The following KLHL9 variants were observed in gnomAD, a reference collection of about 807,000 sequenced individuals.
The protein encoded by KLHL9 is kelch-like protein 9.
A neutral mutation model predicts 42.3 loss-of-function variants in KLHL9; 27 were observed. The observed-to-expected ratio is 0.64, with a 90% confidence interval of 0.47 to 0.88. The LOEUF is 0.88. KLHL9 is among the 40% of genes least tolerant of loss of function. The probability of loss-of-function intolerance (pLI) is 0.00; values close to 1 mark genes in which losing one functional copy is unlikely to be tolerated. For missense variants in KLHL9, 629 were observed against 750.3 expected (o/e 0.84, Z 1.89); for synonymous variants, 274 against 254.4 (o/e 1.08, Z -0.73).
rs188685864 is a variant in KLHL9 at position 21,335,351 on chromosome 9, G to A, written c.-492C>T. ...GCCTGGGCTTGGGCCTAGAATACCGGCCTAGCCCCAACACCGAGCCGCTCC... is the reference window on the plus strand; with the variant it reads ...GCCTGGGCTTGGGCCTAGAATACCGACCTAGCCCCAACACCGAGCCGCTCC... On this transcript the variant is annotated 5_prime_UTR_variant, in exon 1 of 1. Transcript: ENST00000359039. The A allele has an allele frequency of 5.0e-3, 2,093 of 419,548 alleles. 41 individuals carry two copies. Among genetic ancestry groups the A allele is most frequent in the African/African-American group, 0.039 (1,881 of 48,804 alleles). 26.0% of individuals were successfully genotyped at this position (419,548 alleles called of 1,614,324 possible). A position where few individuals can be genotyped will look rare whatever the true frequency, so the allele number is the denominator to read the frequency against.
In KLHL9 at chr9:21,335,392, G is replaced by A; in HGVS notation, c.-533C>T. 3 of 394,586 alleles carry A rather than the reference G, an allele frequency of 7.6e-6. No homozygotes were observed. The highest frequency in any genetic ancestry group is 1.4e-5 in the Non-Finnish European group (3 of 214,848). 24.4% of individuals were successfully genotyped at this position (394,586 alleles called of 1,614,324 possible). On this transcript the variant is annotated 5_prime_UTR_variant, in exon 1 of 1. Coordinates refer to ENST00000359039, the MANE Select transcript of KLHL9 (RefSeq NM_018847.4). ...GAGCCGCTCCTTCCGGAAAAGCCTA[G>A]TCCCAGGATACCACGGGGTGGGAGC... is the stretch of plus-strand genomic sequence containing the variant.
At position 21,334,940 on chromosome 9, in the gene KLHL9, C is replaced by G. The variant is rs776340349; in HGVS notation, c.-81G>C. On this transcript the variant is annotated 5_prime_UTR_variant, in exon 1 of 1. Transcript: ENST00000359039. This position sits in a 1 kb window ranked among gnomAD's most constrained non-coding sequence, Gnocchi z 5.1. ...AATGTTTTACAGGTAACGAGGTGTCCAGAAAGAACAGAAAGCTCGTTTCCT... is the reference window on the plus strand; with the variant it reads ...AATGTTTTACAGGTAACGAGGTGTCGAGAAAGAACAGAAAGCTCGTTTCCT... The G allele has an allele frequency of 7.7e-6, 12 of 1,564,122 alleles. No homozygotes were observed. Among genetic ancestry groups the G allele is most frequent in the Non-Finnish European group, 1.0e-5 (12 of 1,157,790 alleles).
Position 21,334,671 on chromosome 9 carries a change from G to C in KLHL9, c.189C>G (p.Phe63Leu), listed in dbSNP as rs1370602778. The C allele has an allele frequency of 1.2e-6, 2 of 1,614,006 alleles. No homozygotes were observed. Among genetic ancestry groups the C allele is most frequent in the Non-Finnish European group, 1.7e-6 (2 of 1,180,034 alleles). Residue 63 changes from phenylalanine (F) to leucine (L), a missense_variant, in exon 1 of 1, where the codon TTC (phenylalanine) becomes TTG (leucine). Coordinates refer to ENST00000359039, the MANE Select transcript of KLHL9 (RefSeq NM_018847.4). The surrounding 1 kb of genome is among the most constrained non-coding windows in gnomAD (Gnocchi z 5.1). The part of the protein sequence containing the change: ...TLVPGDGDEI[F>L]PVHRAMMASA... Reference sequence around the variant, plus strand: ...ACGCCATCATAGCTCTGTGAACAGGGAAGATTTCATCTCCATCACCTGGTA... The same window carrying C: ...ACGCCATCATAGCTCTGTGAACAGGCAAGATTTCATCTCCATCACCTGGTA...
Position 21,333,307 on chromosome 9 carries a change from T to A in KLHL9, c.1553A>T (p.Tyr518Phe). The change falls in exon 1 of 1, where the codon TAT becomes TTT. Residue 518 changes from tyrosine to phenylalanine, a missense_variant. Physicochemically the swap from Tyr to Phe is conservative, Grantham distance 22. Transcript: ENST00000359039. The surrounding 1 kb of genome is among the most constrained non-coding windows in gnomAD (Gnocchi z 7.5). ...DYDDVLSCEYYSPTLDQWTPI... is the reference protein window; with the variant it reads ...DYDDVLSCEYFSPTLDQWTPI... ...GGTCCACTGGTCAAGGGTTGGTGAA[T>A]AGTATTCACAGCTTAGAACATCATC... 1 of 1,614,228 alleles carries A rather than the reference T, an allele frequency of 6.2e-7. No homozygotes were observed. The highest frequency in any genetic ancestry group is 2.2e-5 in the East Asian group (1 of 44,886).
Position 21,333,669 on chromosome 9 carries a change from G to A in KLHL9, c.1191C>T (p.Leu397=), listed in dbSNP as rs1820213047. The part of the protein sequence containing the change: ...EKRTFFHLSA[L]KGHLYAVGGR... ...CACCAACTGCATACAAATGTCCTTTGAGGGCACTCAAGTGAAAGAATGTGC... is the reference window on the plus strand; with the variant it reads ...CACCAACTGCATACAAATGTCCTTTAAGGGCACTCAAGTGAAAGAATGTGC... Residue 397 remains leucine, a synonymous_variant, in exon 1 of 1, where the codon CTC becomes CTT. Coordinates refer to ENST00000359039, the MANE Select transcript of KLHL9 (RefSeq NM_018847.4). The surrounding 1 kb of genome is among the most constrained non-coding windows in gnomAD (Gnocchi z 7.5). 1 of 1,614,056 alleles carries A rather than the reference G, an allele frequency of 6.2e-7. No individual in the cohort carries two copies. Among genetic ancestry groups the A allele is most frequent in the African/African-American group, 1.3e-5 (1 of 74,916 alleles).
At position 21,330,262 on chromosome 9, in the gene KLHL9, A is replaced by G. The variant is rs1820146583; in HGVS notation, c.*2744T>C. The G allele has an allele frequency of 6.6e-6, 1 of 152,232 alleles. No individual in the cohort carries two copies. Among genetic ancestry groups the G allele is most frequent in the Admixed American group, 6.5e-5 (1 of 15,294 alleles). 9.4% of individuals were successfully genotyped at this position (152,232 alleles called of 1,614,324 possible). A position where few individuals can be genotyped will look rare whatever the true frequency, so the allele number is the denominator to read the frequency against. ...TCAGACACGTAGTCTGAAGGTAATT[A>G]TAATAGTCTTAATAATGTTGTGCAT... On this transcript the variant is annotated 3_prime_UTR_variant, in exon 1 of 1. Coordinates refer to ENST00000359039, the MANE Select transcript of KLHL9 (RefSeq NM_018847.4).
chr9:21,334,355 C>T lies in KLHL9; in HGVS notation c.505G>A (p.Val169Met). Residue 169 changes from valine (V) to methionine (M), a missense_variant, in exon 1 of 1, where the codon GTG (valine) becomes ATG (methionine). By Grantham distance (21) the Val-to-Met change is conservative (BLOSUM62 1). Transcript: ENST00000359039. The surrounding 1 kb of genome is among the most constrained non-coding windows in gnomAD (Gnocchi z 5.1). ...RIANTYNLIE[V>M]DKYVNNFILK... ...ATGAAATTATTAACATATTTATCCA[C>T]TTCTATAAGATTGTAGGTGTTAGCA... The T allele has an allele frequency of 6.2e-7, 1 of 1,613,418 alleles. No individual in the cohort carries two copies. The highest frequency in any genetic ancestry group is 8.5e-7 in the Non-Finnish European group (1 of 1,179,548).
rs1463211285 is a variant in KLHL9 at position 21,332,115 on chromosome 9, C to T, written c.*891G>A. The T allele has an allele frequency of 6.6e-6, 1 of 152,488 alleles. No homozygotes were observed. Among genetic ancestry groups the T allele is most frequent in the Non-Finnish European group, 1.5e-5 (1 of 68,026 alleles). The allele number at this position is 152,488 out of a possible 1,614,324, so 9.4% of individuals were successfully genotyped here. The stretch of plus-strand genomic sequence containing the variant: ...AACTTTACCAATCTGTGTAAAAGTA[C>T]TCTACAGAAAATACACAAGCAGAAA... On this transcript the variant is annotated 3_prime_UTR_variant, in exon 1 of 1. Coordinates refer to ENST00000359039, the MANE Select transcript of KLHL9 (RefSeq NM_018847.4).
Position 21,334,981 on chromosome 9 carries a change from G to A in KLHL9, c.-122C>T. The stretch of plus-strand genomic sequence containing the variant: ...CTCGTTTCCTTATCAAGGGAAGGCA[G>A]TCACTGCGGCACCCCTCGGGCCACG... On this transcript the variant is annotated 5_prime_UTR_variant, in exon 1 of 1. Transcript: ENST00000359039. This position sits in a 1 kb window ranked among gnomAD's most constrained non-coding sequence, Gnocchi z 5.1. The A allele has an allele frequency of 6.9e-7, 1 of 1,441,062 alleles. No individual in the cohort carries two copies. Among genetic ancestry groups the A allele is most frequent in the East Asian group, 2.4e-5 (1 of 41,074 alleles). The allele number at this position is 1,441,062 out of a possible 1,614,324, so 89.3% of individuals were successfully genotyped here.
In KLHL9 at chr9:21,331,591, T is replaced by C. The variant is rs757045444; in HGVS notation, c.*1415A>G. ...GAAAGTACCTCTTCAGAATCACTCATTACAGAGAATTCCTGTAACTCCATT... is the reference window on the plus strand; with the variant it reads ...GAAAGTACCTCTTCAGAATCACTCACTACAGAGAATTCCTGTAACTCCATT... On this transcript the variant is annotated 3_prime_UTR_variant, in exon 1 of 1. Coordinates refer to ENST00000359039, the MANE Select transcript of KLHL9 (RefSeq NM_018847.4). The C allele has an allele frequency of 1.3e-5, 2 of 152,052 alleles. No individual in the cohort carries two copies. Among genetic ancestry groups the C allele is most frequent in the Non-Finnish European group, 2.9e-5 (2 of 68,014 alleles). 9.4% of individuals were successfully genotyped at this position (152,052 alleles called of 1,614,324 possible).
In KLHL9 at chr9:21,332,934, T is replaced by C; in HGVS notation, c.*72A>G. ...TATATCTAATAACTGTACCAATCAC[T>C]GTAAGAAGATACAACTGAAGGGGAA... On this transcript the variant is annotated 3_prime_UTR_variant, in exon 1 of 1. Transcript: ENST00000359039. The C allele has an allele frequency of 4.4e-6, 7 of 1,606,276 alleles. No homozygotes were observed. Among genetic ancestry groups the C allele is most frequent in the Non-Finnish European group, 6.0e-6 (7 of 1,175,412 alleles).
Position 21,333,143 on chromosome 9 carries a change from C to T in KLHL9, c.1717G>A (p.Glu573Lys). 1 of 1,614,180 alleles carries T rather than the reference C, an allele frequency of 6.2e-7. No homozygotes were observed. Among genetic ancestry groups the T allele is most frequent in the Non-Finnish European group, 8.5e-7 (1 of 1,180,010 alleles). ...IVQKYDPEKDEWHKVFDLPES... is the reference protein window; with the variant it reads ...IVQKYDPEKDKWHKVFDLPES... ...GGAAGATCAAAAACTTTATGCCACTCATCTTTTTCTGGGTCATATTTCTGG... is the reference window on the plus strand; with the variant it reads ...GGAAGATCAAAAACTTTATGCCACTTATCTTTTTCTGGGTCATATTTCTGG... Residue 573 changes from glutamate to lysine, a missense_variant, in exon 1 of 1, where the codon GAG becomes AAG. Coordinates refer to ENST00000359039, the MANE Select transcript of KLHL9 (RefSeq NM_018847.4). This position sits in a 1 kb window ranked among gnomAD's most constrained non-coding sequence, Gnocchi z 7.5.
Position 21,332,110 on chromosome 9 carries a change from A to G in KLHL9, c.*896T>C, listed in dbSNP as rs953675472. ...ACCTGAACTTTACCAATCTGTGTAA[A>G]AGTACTCTACAGAAAATACACAAGC... On this transcript the variant is annotated 3_prime_UTR_variant, in exon 1 of 1. Transcript: ENST00000359039. 1.3e-5 allele frequency: 2 copies of G among 152,562 alleles called. No individual in the cohort carries two copies. Among genetic ancestry groups the G allele is most frequent in the Admixed American group, 1.3e-4 (2 of 15,288 alleles). 9.5% of individuals were successfully genotyped at this position (152,562 alleles called of 1,614,324 possible).
At position 21,330,682 on chromosome 9, in the gene KLHL9, C is replaced by T. The variant is rs1236241460; in HGVS notation, c.*2324G>A. ...CAAAATAGAGGCAGGGCAGTATCAC[C>T]TTGATATGTCAGAATAAGCACTGAA... On this transcript the variant is annotated 3_prime_UTR_variant, in exon 1 of 1. Transcript: ENST00000359039. The T allele has an allele frequency of 6.6e-6, 1 of 152,064 alleles. No homozygotes were observed. The highest frequency in any genetic ancestry group is 2.4e-5 in the African/African-American group (1 of 41,382). 9.4% of individuals were successfully genotyped at this position (152,064 alleles called of 1,614,324 possible). A position where few individuals can be genotyped will look rare whatever the true frequency, so the allele number is the denominator to read the frequency against.
At position 21,333,151 on chromosome 9, in the gene KLHL9, T is replaced by C; in HGVS notation, c.1709A>G (p.Glu570Gly). The C allele has an allele frequency of 6.2e-7, 1 of 1,614,206 alleles. No individual in the cohort carries two copies. Among genetic ancestry groups the C allele is most frequent in the Non-Finnish European group, 8.5e-7 (1 of 1,180,020 alleles). ...MVEIVQKYDP[E>G]KDEWHKVFDL... is the part of the protein sequence containing the mutation. ...AAAAACTTTATGCCACTCATCTTTT[T>C]CTGGGTCATATTTCTGGACAATTTC... The change falls in exon 1 of 1, where the codon GAA becomes GGA. Residue 570 changes from glutamate (E) to glycine (G), a missense_variant. Physicochemically the swap from Glu to Gly is moderately conservative, Grantham distance 98 (BLOSUM62 -2). This residue lies in a region of KLHL9 where 61 missense variants were observed against 63.5 expected (regional missense o/e 0.96). Coordinates refer to ENST00000359039, the MANE Select transcript of KLHL9 (RefSeq NM_018847.4). The surrounding 1 kb of genome is among the most constrained non-coding windows in gnomAD (Gnocchi z 7.5).
rs1820180197 is a variant in KLHL9, at chr9:21,332,007, GCTT to G, written c.*996_*998del. On this transcript the variant is annotated 3_prime_UTR_variant, in exon 1 of 1. Coordinates refer to ENST00000359039, the MANE Select transcript of KLHL9 (RefSeq NM_018847.4). ...CTTTGTTCAGAATATTTTTTTCTTT[GCTT>G]TTTTCATTAAGTTTTACTGACCAAA... is the stretch of plus-strand genomic sequence containing the variant. The G allele has an allele frequency of 6.6e-6, 1 of 152,268 alleles. No homozygotes were observed. Among genetic ancestry groups the G allele is most frequent in the African/African-American group, 2.4e-5 (1 of 41,372 alleles). 9.4% of individuals were successfully genotyped at this position (152,268 alleles called of 1,614,324 possible).
chr9:21,335,305 G>A lies in KLHL9; in HGVS notation c.-446C>T, dbSNP rs979351465. ...CGGCCACCGGCCTGTCTTTGAGCAA[G>A]GGCCGGGAACACAGGCCTGGGCCTG... On this transcript the variant is annotated 5_prime_UTR_variant, in exon 1 of 1. Coordinates refer to ENST00000359039, the MANE Select transcript of KLHL9 (RefSeq NM_018847.4). The A allele has an allele frequency of 2.3e-6, 1 of 438,314 alleles. No homozygotes were observed. The allele number at this position is 438,314 out of a possible 1,614,324, so 27.2% of individuals were successfully genotyped here. A position where few individuals can be genotyped will look rare whatever the true frequency, so the allele number is the denominator to read the frequency against.
rs781488144 is a variant in KLHL9, at chr9:21,334,676, T to C, written c.184A>G (p.Ile62Val). The change falls in exon 1 of 1, where the codon ATC becomes GTC. Residue 62 changes from isoleucine (I) to valine (V), a missense_variant. By Grantham distance (29) the Ile-to-Val change is conservative. Coordinates refer to ENST00000359039, the MANE Select transcript of KLHL9 (RefSeq NM_018847.4). The surrounding 1 kb of genome is among the most constrained non-coding windows in gnomAD (Gnocchi z 5.1). The stretch of plus-strand genomic sequence containing the variant: ...ATCATAGCTCTGTGAACAGGGAAGA[T>C]TTCATCTCCATCACCTGGTACCAGG... The part of the protein sequence containing the change: ...VTLVPGDGDE[I>V]FPVHRAMMAS... 15 of 1,614,152 alleles carry C rather than the reference T, an allele frequency of 9.3e-6. No homozygotes were observed. The highest frequency in any genetic ancestry group is 1.7e-5 in the Admixed American group (1 of 60,018).
rs1436870152 is a variant in KLHL9 at position 21,331,383 on chromosome 9, C to A, written c.*1623G>T. 6.6e-6 allele frequency: 1 copy of A among 152,468 alleles called. No homozygotes were observed. The highest frequency in any genetic ancestry group is 2.4e-5 in the African/African-American group (1 of 41,402). The allele number at this position is 152,468 out of a possible 1,614,324, so 9.4% of individuals were successfully genotyped here. On this transcript the variant is annotated 3_prime_UTR_variant, in exon 1 of 1. Transcript: ENST00000359039. ...ACTTGTATGGGCAGTAAGGTTCAGA[C>A]CCCTAGAAGCCAATTCATTTTGCCT... is the stretch of plus-strand genomic sequence containing the variant.
Sources: gnomAD v4.1 joint callset for allele counts on GRCh38, gnomAD v4.1.1 for gene constraint, gnomAD v4.1.1 regional missense constraint, Gnocchi (gnomAD v3.1) non-coding constraint, MANE v1.5 for transcripts, NCBI Gene and HGNC (gene_info 2026-07-23, HGNC 2026-07-21) for gene names.